Variants in NRXN2 observed in about 807,000 individuals in gnomAD.
NRXN2 encodes neurexin-2-beta.
In NRXN2, 29 loss-of-function variants were observed where a neutral mutation model predicts 128.8. The observed-to-expected ratio is 0.23, with a 90% CI of 0.17 to 0.31. The LOEUF is 0.31. NRXN2 is among the 10% of genes least tolerant of loss of function. The pLI is 1.00. For missense variants in NRXN2, 1,881 were observed against 2,452.6 expected, an observed-to-expected ratio of 0.77 and a Z score of 4.92; for synonymous variants, 1,098 against 1,075.2, an observed-to-expected ratio of 1.02 and a Z score of -0.41.
chr11:64,679,563 G>A (rs2135547615), intron 6 of NRXN2, among the ~76,000 whole-genome samples: 1 of 152,246 alleles, frequency 6.6e-6, no homozygotes, highest in South Asian at 2.1e-4. Flanking sequence ...CGTGAACCCA[G>A]GAGGCGGAGC....
chr11:64,667,761 C>G lies in NRXN2; in HGVS notation c.1360-73G>C, dbSNP rs754154504. ...GGGCCTGGCCACTCCCACCCAGCAG[C>G]GAGCACCAGGGGACCCAGCCACCCA... is the stretch of plus-strand genomic sequence containing the variant. On this transcript the variant is annotated intron_variant, in intron 8 of 22. Transcript: ENST00000265459. This position sits in a 1 kb window ranked among gnomAD's most constrained non-coding sequence, Gnocchi z 5.6. The G allele has an allele frequency of 6.0e-6, 9 of 1,487,816 alleles. No individual in the cohort carries two copies. Among genetic ancestry groups the G allele is most frequent in the Non-Finnish European group, 8.3e-6 (9 of 1,078,464 alleles). The allele number at this position is 1,487,816 out of a possible 1,614,324, so 92.2% of individuals were successfully genotyped here.
chr11:64,699,331 A>G (rs1204512585), intron 2 of NRXN2, among the ~76,000 whole-genome samples: 1 of 151,202 alleles, frequency 6.6e-6, no homozygotes. Flanking sequence ...CAGTCTTTCC[A>G]TGTCAACATG....
In NRXN2 at chr11:64,685,738, A is replaced by G; in HGVS notation, c.1060T>C (p.Ser354Pro). The G allele has an allele frequency of 6.2e-7, 1 of 1,614,198 alleles. No individual in the cohort carries two copies. Among genetic ancestry groups the G allele is most frequent in the Non-Finnish European group, 8.5e-7 (1 of 1,180,040 alleles). Residue 354 changes from serine to proline, a missense_variant, in exon 6 of 23, where the codon TCA becomes CCA. Physicochemically the swap from Ser to Pro is moderately conservative, Grantham distance 74. This residue lies in a region of NRXN2 where 997 missense variants were observed against 1,240.8 expected (regional missense o/e 0.80). Coordinates refer to ENST00000265459, the MANE Select transcript of NRXN2 (RefSeq NM_015080.4). ...TCCACAAGGGCCTCGAAGGCACCTG[A>G]GCCTAGGTTGATGACCAGCCAGACA... ...GAVWLVINLG[S>P]GAFEALVEPV...
intron 2 of NRXN2, among the ~76,000 whole-genome samples, chr11:64,701,952 T>TG (rs1458658675): frequency 8.9e-5 from 9 of 101,400 alleles, no homozygotes; most frequent in East Asian, 2.9e-4. Flanking sequence ...AGGAGGGAGG[T>TG]GGGGGGGTCA....
chr11:64,618,132 G>A (rs1215409416), intron 22 of NRXN2, among the ~76,000 whole-genome samples: 1 of 152,152 alleles, frequency 6.6e-6, no homozygotes, highest in Admixed American at 6.5e-5. Flanking sequence ...CTGCTTCAGC[G>A]CCTCCTCACC....
At chr11:64,653,390 C>T (rs1400050097) in intron 12 of NRXN2, among the ~76,000 whole-genome samples, 2 of 152,158 alleles carry the variant, frequency 1.3e-5, no homozygotes, top group African/African-American at 2.4e-5. Flanking sequence ...TTGATTTCTA[C>T]CTCCTCCCCA....
chr11:64,617,035 A>C (rs2041639792), intron 22 of NRXN2, among the ~76,000 whole-genome samples: 1 of 152,182 alleles, frequency 6.6e-6, no homozygotes, highest in Admixed American at 6.5e-5. Context: ...TGTGAGTCTC[A>C]ACAGGTGTGT....
chr11:64,699,031 A>C (rs1039568649), intron 2 of NRXN2, among the ~76,000 whole-genome samples: 6 of 152,230 alleles, frequency 3.9e-5, no homozygotes, highest in Admixed American at 6.5e-5. Context: ...ACACTCACGC[A>C]TGCACACATT....
chr11:64,653,146 C>T (rs1302917652), intron 12 of NRXN2, among the ~76,000 whole-genome samples: 1 of 152,148 alleles, frequency 6.6e-6, no homozygotes, highest in Non-Finnish European at 1.5e-5. Flanking sequence ...CATCTCACCC[C>T]TGCTGAGAGC....
chr11:64,695,471 T>C (rs907501453), intron 3 of NRXN2, among the ~76,000 whole-genome samples: 3 of 151,314 alleles, frequency 2.0e-5, no homozygotes, highest in African/African-American at 7.4e-5. Context: ...CTTAGAGATA[T>C]AAGGAGGGCT....
At chr11:64,626,943 TG>T (rs1302452906) in intron 19 of NRXN2, among the ~76,000 whole-genome samples, 1 of 151,968 alleles carries the variant, frequency 6.6e-6, no homozygotes, top group Non-Finnish European at 1.5e-5. Flanking sequence ...AGGTTTAAGT[TG>T]GGGGCGGGAG....
rs532325966 is a variant in NRXN2 at position 64,714,282 on chromosome 11, G to A, written c.-244-339C>T. 6.6e-6 allele frequency among the ~76,000 whole-genome samples: 1 copy of A among 152,202 alleles called. No homozygotes were observed. The highest frequency in any genetic ancestry group is 6.5e-5 in the Admixed American group (1 of 15,294). ...GGAAGGACCAAGGCCAGCTCCTTGA[G>A]CGAGGCCTGGGAACTCTCCTCCGCC... On this transcript the variant is annotated intron_variant, in intron 1 of 22. Coordinates refer to ENST00000265459, the MANE Select transcript of NRXN2 (RefSeq NM_015080.4). This position sits in a 1 kb window ranked among gnomAD's most constrained non-coding sequence, Gnocchi z 4.5.
chr11:64,618,713 CACTCAG>C (rs1206495391), intron 22 of NRXN2, among the ~76,000 whole-genome samples: 1 of 152,150 alleles, frequency 6.6e-6, no homozygotes, highest in Non-Finnish European at 1.5e-5. Context: ...GAAGTAACAG[CACTCAG>C]CAGAGGGGCC....
intron 21 of NRXN2, among the ~76,000 whole-genome samples, chr11:64,621,953 C>A (rs1357151014): frequency 6.6e-6 from 1 of 152,122 alleles, no homozygotes; most frequent in East Asian, 1.9e-4. Context: ...CCAGGAAACA[C>A]CTGAGCAGGT....
intron 17 of NRXN2, among the ~76,000 whole-genome samples, chr11:64,643,766 C>A (rs1427429403): frequency 6.6e-6 from 1 of 151,698 alleles, no homozygotes; most frequent in African/African-American, 2.4e-5. Context: ...CCCTCCCCCG[C>A]GCCTGGACGC....
At chr11:64,627,203 AG>A (rs1281696553) in intron 19 of NRXN2, among the ~76,000 whole-genome samples, 2 of 151,524 alleles carry the variant, frequency 1.3e-5, no homozygotes, top group Non-Finnish European at 2.9e-5. Flanking sequence ...ACCCCCCTTA[AG>A]CCCCTCCCGT....
At chr11:64,659,945 G>A (rs893547930) in intron 11 of NRXN2, among the ~76,000 whole-genome samples, 10 of 152,176 alleles carry the variant, frequency 6.6e-5, no homozygotes, top group East Asian at 3.9e-4. Flanking sequence ...CCCACTAGGC[G>A]TCAGCAAGTG....
intron 1 of NRXN2, among the ~76,000 whole-genome samples, chr11:64,720,827 G>C (rs1196434709): frequency 2.0e-5 from 3 of 151,996 alleles, no homozygotes; most frequent in Non-Finnish European, 2.9e-5. Flanking sequence ...GTGTAGACCT[G>C]GGAGGGATGG....
At chr11:64,645,454 C>T (rs559844225) in intron 17 of NRXN2, among the ~76,000 whole-genome samples, 17 of 152,172 alleles carry the variant, frequency 1.1e-4, no homozygotes, top group African/African-American at 3.9e-4. Context: ...AGGAATTGAC[C>T]GCCTGGGAGA....
Sources: gnomAD v4.1 joint callset for allele counts (sites outside exome capture counted in the v4.1 genomes callset) on GRCh38, gnomAD v4.1.1 for gene constraint, gnomAD v4.1.1 regional missense constraint, Gnocchi (gnomAD v3.1) non-coding constraint, MANE v1.5 for transcripts, NCBI Gene and HGNC (gene_info 2026-07-23, HGNC 2026-07-21) for gene names.